Variants in RP1 observed in about 807,000 individuals in gnomAD.
The protein encoded by RP1 is oxygen-regulated protein 1.
Under a neutral mutation model 14.8 loss-of-function variants are expected in RP1, and 16 were observed. That is an observed-to-expected ratio of 1.08 (90% CI 0.73 to 1.65). RP1 has a LOEUF of 1.65. RP1 is among the 40% of genes most tolerant of loss of function. The pLI, the probability that RP1 is intolerant of heterozygous loss-of-function variation, is 0.00. For synonymous variants in RP1, 876 were observed against 883.6 expected (o/e 0.99, Z 0.15); for missense variants, 2,631 against 2,535.0 (o/e 1.04, Z -0.81).
intron 12 of RP1, among the ~76,000 whole-genome samples, chr8:54,683,849 G>A (rs919328501): frequency 1.3e-5 from 2 of 152,146 alleles, no homozygotes; most frequent in Non-Finnish European, 1.5e-5. Context: ...AATAGGAGTA[G>A]TAAGAGAGGG....
In RP1 at chr8:54,626,760, A is replaced by G. The variant is rs779146463; in HGVS notation, c.2878A>G (p.Asn960Asp). 1 of 1,613,880 alleles carries G rather than the reference A, an allele frequency of 6.2e-7. No homozygotes were observed. The highest frequency in any genetic ancestry group is 8.5e-7 in the Non-Finnish European group (1 of 1,179,936). ...TTTTTCAGGGAATGATCCCCATACA[A>G]ATTCTGGAAAAATAAGTAATTTTGT... Reference protein sequence around the residue: ...NSFSGNDPHTNSGKISNFVME... With the variant: ...NSFSGNDPHTDSGKISNFVME... The change falls in exon 4 of 4, where the codon AAT becomes GAT. Residue 960 changes from asparagine (N) to aspartate (D), a missense_variant. Coordinates refer to ENST00000220676, the MANE Select transcript of RP1 (RefSeq NM_006269.2).
chr8:54,595,328 A>C (rs1310455879), intron 1 of RP1, among the ~76,000 whole-genome samples: 1 of 151,980 alleles, frequency 6.6e-6, no homozygotes, highest in South Asian at 2.1e-4. Flanking sequence ...ACAGGGTTTC[A>C]CTCTGTTAGC....
In RP1 at chr8:54,625,223, T is replaced by C; in HGVS notation, c.1341T>C (p.Tyr447=). 6.2e-7 allele frequency: 1 copy of C among 1,614,148 alleles called. No individual in the cohort carries two copies. The highest frequency in any genetic ancestry group is 8.5e-7 in the Non-Finnish European group (1 of 1,180,034). ...AAGACCAAGCAAAGCATCGTTTTTA[T>C]AGGCCCCCTACACCTGGACTAAGAA... ...GTQDQAKHRF[Y]RPPTPGLRRV... is the part of the protein sequence containing the mutation. The change falls in exon 4 of 4, where the codon TAT becomes TAC. Residue 447 remains tyrosine, a synonymous_variant. Coordinates refer to ENST00000220676, the MANE Select transcript of RP1 (RefSeq NM_006269.2).
chr8:54,838,493 A>G (rs1179140654), intron 25 of RP1, among the ~76,000 whole-genome samples: 1 of 152,116 alleles, frequency 6.6e-6, no homozygotes, highest in Non-Finnish European at 1.5e-5. Context: ...GTTTGAGTGT[A>G]TGTGCATGAA....
intron 19 of RP1, among the ~76,000 whole-genome samples, chr8:54,752,677 G>A (rs1038957998): frequency 6.6e-6 from 1 of 152,146 alleles, no homozygotes; most frequent in Non-Finnish European, 1.5e-5. Flanking sequence ...TGCAGGGCAC[G>A]CTCATACCCA....
At chr8:54,869,875 C>A (rs1402320958) in exon 29 of RP1, 2 of 1,231,796 alleles carry the variant, frequency 1.6e-6, no homozygotes, top group South Asian at 4.1e-5. Context: ...GATGGCAAGA[C>A]CCAGCGGGAA....
chr8:54,582,630 C>T (rs1351593404), intron 1 of RP1, among the ~76,000 whole-genome samples: 2 of 152,102 alleles, frequency 1.3e-5, no homozygotes, highest in Non-Finnish European at 2.9e-5. Flanking sequence ...TCTTCCTACC[C>T]ATGAGCATGG....
At chr8:54,604,725 T>C (rs1420220190) in intron 1 of RP1, among the ~76,000 whole-genome samples, 2 of 152,238 alleles carry the variant, frequency 1.3e-5, no homozygotes, top group African/African-American at 2.4e-5. Flanking sequence ...AGCCTGTTAT[T>C]GGTCTATTCA....
At chr8:54,810,326 A>G (rs1810960808) in intron 24 of RP1, among the ~76,000 whole-genome samples, 2 of 152,168 alleles carry the variant, frequency 1.3e-5, no homozygotes, top group African/African-American at 4.8e-5. Context: ...GAACATTCAT[A>G]ATACTTAATC....
intron 1 of RP1, among the ~76,000 whole-genome samples, chr8:54,593,110 G>A (rs1286711038): frequency 2.0e-5 from 3 of 152,148 alleles, no homozygotes; most frequent in East Asian, 1.9e-4. Flanking sequence ...TAGAATGACA[G>A]TTCTTGGGGT....
At chr8:54,810,710 G>A (rs981729803) in intron 24 of RP1, among the ~76,000 whole-genome samples, 1 of 152,170 alleles carries the variant, frequency 6.6e-6, no homozygotes, top group African/African-American at 2.4e-5. Flanking sequence ...TTCCAACACT[G>A]TGCCTGCTTG....
intron 24 of RP1, among the ~76,000 whole-genome samples, chr8:54,816,016 A>G (rs1811125759): frequency 1.3e-5 from 2 of 152,232 alleles, no homozygotes; most frequent in South Asian, 4.2e-4. Flanking sequence ...TCTCTTACCT[A>G]CTAGCTTTGT....
chr8:54,741,014 G>T (rs1315383415), intron 19 of RP1, among the ~76,000 whole-genome samples: 2 of 151,208 alleles, frequency 1.3e-5, no homozygotes, highest in Non-Finnish European at 2.9e-5. Context: ...CCAGTCTGGG[G>T]GACAAGAGTG....
chr8:54,722,890 G>A (rs1335843604), intron 16 of RP1, among the ~76,000 whole-genome samples: 2 of 152,156 alleles, frequency 1.3e-5, no homozygotes, highest in African/African-American at 4.8e-5. Context: ...CACGCTGCCT[G>A]GTCTGACATG....
chr8:54,821,269 T>C (rs1255257360), intron 24 of RP1, among the ~76,000 whole-genome samples: 1 of 152,144 alleles, frequency 6.6e-6, no homozygotes, highest in Non-Finnish European at 1.5e-5. Flanking sequence ...CTATCATATA[T>C]AAATGAAAGG....
At chr8:54,697,603 C>T (rs1807901095) in intron 12 of RP1, among the ~76,000 whole-genome samples, 1 of 152,006 alleles carries the variant, frequency 6.6e-6, no homozygotes, top group Admixed American at 6.6e-5. Flanking sequence ...GCAAGCACCT[C>T]TCATCACAGT....
In RP1 at chr8:54,622,182, TA is replaced by T; in HGVS notation, c.684del (p.Lys228AsnfsTer36). ...AVVAAGREPF[K>X]PGNYDIQKYL... Reference sequence around the variant, plus strand: ...TGGTGGCGGCAGGAAGGGAGCCATTTAAACCAGGAAATTATGACATCCAAAA... The same window carrying T: ...TGGTGGCGGCAGGAAGGGAGCCATTTAACCAGGAAATTATGACATCCAAAA... On this transcript the variant is annotated frameshift_variant, in exon 3 of 4. Coordinates refer to ENST00000220676, the MANE Select transcript of RP1 (RefSeq NM_006269.2). LOFTEE classifies it high-confidence loss of function. 6.8e-6 allele frequency: 11 copies of T among 1,614,194 alleles called. No individual in the cohort carries two copies. Among genetic ancestry groups the T allele is most frequent in the Non-Finnish European group, 9.3e-6 (11 of 1,180,020 alleles).
chr8:54,820,306 G>A (rs1212860500), intron 24 of RP1, among the ~76,000 whole-genome samples: 1 of 152,116 alleles, frequency 6.6e-6, no homozygotes, highest in Non-Finnish European at 1.5e-5. Flanking sequence ...GCACTGGGTT[G>A]TATACATTGC....
In RP1 at chr8:54,621,035, C is replaced by T. The variant is rs1805845546; in HGVS notation, c.69C>T (p.Pro23=). ...HPTSSEGQVP[P]PRHLSLTHPV... The stretch of plus-strand genomic sequence containing the variant: ...CGTCTTCTGAAGGTCAAGTTCCACC[C>T]CCTCGCCATTTGAGCCTCACTCATC... The change falls in exon 2 of 4, where the codon CCC becomes CCT. Residue 23 remains proline, a synonymous_variant. Transcript: ENST00000220676. The T allele has an allele frequency of 1.9e-6, 3 of 1,614,042 alleles. No individual in the cohort carries two copies. The highest frequency in any genetic ancestry group is 2.5e-6 in the Non-Finnish European group (3 of 1,180,036).
Sources: allele counts gnomAD v4.1 joint callset (sites outside exome capture counted in the v4.1 genomes callset), GRCh38; gene constraint gnomAD v4.1.1; transcripts MANE v1.5; gene names NCBI Gene and HGNC (gene_info 2026-07-23, HGNC 2026-07-21).